The following ARHGAP10 variants were observed in gnomAD, a reference collection of about 807,000 sequenced individuals.
The protein encoded by ARHGAP10 is rho GTPase-activating protein 10.
ARHGAP10 carries 87 observed loss-of-function variants against 108.6 expected under a neutral mutation model. That is an observed-to-expected ratio of 0.80 (90% CI 0.67 to 0.96). The LOEUF is 0.96. Ranked by LOEUF, ARHGAP10 falls within the 40% of genes least tolerant of loss-of-function variation. The pLI is 0.00. For synonymous variants in ARHGAP10, 347 were observed against 341.1 expected (o/e 1.02, Z -0.19); for missense variants, 939 against 954.5 (o/e 0.98, Z 0.21).
chr4:148,012,830 A>G (rs899079211), intron 18 of ARHGAP10, among the ~76,000 whole-genome samples: 3 of 152,092 alleles, frequency 2.0e-5, no homozygotes, highest in Non-Finnish European at 2.9e-5. Flanking sequence ...CCTTATGATG[A>G]CAAAATGTTT....
At chr4:147,870,081 C>T (rs1339506222) in intron 7 of ARHGAP10, among the ~76,000 whole-genome samples, 1 of 151,584 alleles carries the variant, frequency 6.6e-6, no homozygotes, top group African/African-American at 2.4e-5. Flanking sequence ...GAGTCTCGCC[C>T]TGTCACCCAG....
intron 18 of ARHGAP10, among the ~76,000 whole-genome samples, chr4:148,021,632 G>A (rs1320051107): frequency 2.6e-5 from 4 of 151,988 alleles, no homozygotes; most frequent in East Asian, 1.9e-4. Context: ...CACTGTTATC[G>A]GACTTCTCAA....
At chr4:147,987,452 T>C (rs1740088088) in intron 18 of ARHGAP10, among the ~76,000 whole-genome samples, 1 of 152,230 alleles carries the variant, frequency 6.6e-6, no homozygotes, top group South Asian at 2.1e-4. Flanking sequence ...CTCCTCAGTC[T>C]GTAGTGCCCT....
intron 18 of ARHGAP10, among the ~76,000 whole-genome samples, chr4:147,984,842 A>G (rs1739968654): frequency 6.6e-6 from 1 of 152,206 alleles, no homozygotes; most frequent in Admixed American, 6.5e-5. Context: ...CCTCAGGGCC[A>G]ATCTGTGGAG....
rs368266632 is a variant in ARHGAP10 at position 147,903,014 on chromosome 4, C to T, written c.1035-3624C>T. Among the ~76,000 whole-genome samples the T allele has an allele frequency of 2.8e-4, 43 of 152,190 alleles. No individual in the cohort carries two copies. The South Asian group carries it at 7.9e-3, about 28-fold the overall frequency. ...CAAAAGCAAGAAGGGGGAAGTCTAC[C>T]CCTATGATCAAGTCACCTCCCACCA... On this transcript the variant is annotated intron_variant, in intron 10 of 22. Coordinates refer to ENST00000336498, the MANE Select transcript of ARHGAP10 (RefSeq NM_024605.4).
chr4:147,865,151 T>TATCAG, intron 6 of ARHGAP10, 195 bp downstream of exon 6: 1 of 531,644 alleles, frequency 1.9e-6, no homozygotes, highest in Non-Finnish European at 3.3e-6. Flanking sequence ...TCAGCTGTAT[T>TATCAG]TGCACTGATA....
At chr4:147,784,701 AAT>A (rs1730759958) in intron 1 of ARHGAP10, among the ~76,000 whole-genome samples, 1 of 91,030 alleles carries the variant, frequency 1.1e-5, no homozygotes, top group South Asian at 3.8e-4. Context: ...TATATTATAA[AAT>A]ATATATTATA....
At position 147,870,788 on chromosome 4, in the gene ARHGAP10, A is replaced by T. The variant is rs373898600; in HGVS notation, c.702+3972A>T. On this transcript the variant is annotated intron_variant, in intron 7 of 22. Coordinates refer to ENST00000336498, the MANE Select transcript of ARHGAP10 (RefSeq NM_024605.4). ...GAGACTAGAATAGAATTCTTCCTGG[A>T]AGGAAATACAGTGTGCAAAATTTTA... Among the ~76,000 whole-genome samples the T allele has an allele frequency of 2.7e-4, 41 of 152,322 alleles. No homozygotes were observed. In the South Asian group the frequency reaches 7.9e-3, roughly 29 times the overall value.
At chr4:147,973,327 C>A (rs936565311) in intron 18 of ARHGAP10, among the ~76,000 whole-genome samples, 5 of 152,122 alleles carry the variant, frequency 3.3e-5, no homozygotes, top group Admixed American at 2.0e-4. Context: ...TTTAGAGGAA[C>A]TTAAACAGGG....
chr4:147,931,315 A>G (rs1295588243), intron 13 of ARHGAP10, among the ~76,000 whole-genome samples: 1 of 814 alleles, frequency 1.2e-3, no homozygotes, highest in Non-Finnish European at 4.5e-3. Flanking sequence ...TTAAGAGAGA[A>G]AAAAAAAAAA....
intron 22 of ARHGAP10, among the ~76,000 whole-genome samples, chr4:148,071,125 ACTACCTGGTGAAGAG>A (rs1156981262): frequency 6.6e-6 from 1 of 152,232 alleles, no homozygotes; most frequent in African/African-American, 2.4e-5. Context: ...AACAGGAGGA[ACTACCTGGTGAAGAG>A]GTGGGGGAAA....
chr4:147,900,193 T>G (rs1736182423), intron 10 of ARHGAP10, among the ~76,000 whole-genome samples: 1 of 152,192 alleles, frequency 6.6e-6, no homozygotes, highest in African/African-American at 2.4e-5. Flanking sequence ...ATACAGATAA[T>G]AGGCAGTTTC....
At chr4:147,872,099 CAAAAA>C (rs36205660) in intron 7 of ARHGAP10, among the ~76,000 whole-genome samples, 8 of 70,022 alleles carry the variant, frequency 1.1e-4, no homozygotes, top group Non-Finnish European at 1.8e-4. Context: ...GAGACTCGGT[CAAAAA>C]AAAAAAAAAA....
intron 1 of ARHGAP10, among the ~76,000 whole-genome samples, chr4:147,808,212 G>T (rs754596993): frequency 1.3e-5 from 2 of 152,144 alleles, no homozygotes; most frequent in Non-Finnish European, 2.9e-5. Context: ...CTGAGAGCTG[G>T]CAGGGGGTTT....
intron 18 of ARHGAP10, among the ~76,000 whole-genome samples, chr4:147,986,584 C>T (rs989101370): frequency 2.6e-5 from 4 of 152,250 alleles, no homozygotes; most frequent in South Asian, 2.1e-4. Context: ...TCCAGGGTGA[C>T]GTACACCCCA....
chr4:147,926,625 A>G (rs755696397), intron 13 of ARHGAP10, among the ~76,000 whole-genome samples: 1 of 152,186 alleles, frequency 6.6e-6, no homozygotes, highest in Admixed American at 6.5e-5. Flanking sequence ...TAAAGAGGTA[A>G]GGTTTTGAGT....
At chr4:147,733,216 A>G (rs183495799) in intron 1 of ARHGAP10, among the ~76,000 whole-genome samples, 9 of 152,306 alleles carry the variant, frequency 5.9e-5, no homozygotes, top group Non-Finnish European at 1.0e-4. Context: ...TCGGAAGAAG[A>G]CACGAGATAC....
intron 3 of ARHGAP10, among the ~76,000 whole-genome samples, chr4:147,838,450 G>A (rs985869138): frequency 7.5e-6 from 1 of 132,678 alleles, no homozygotes; most frequent in Admixed American, 8.4e-5. Flanking sequence ...AAGCCTGGGT[G>A]ACAGAGTGAG....
rs755737892 is a variant in ARHGAP10 at position 147,955,330 on chromosome 4, C to T, written c.1406C>T (p.Pro469Leu). ...TTTTCACACAGGAGTCTTCCAGAGC[C>T]TCTCATGACCTATGAGTTACATGGA... ...LKQYLRSLPE[P>L]LMTYELHGDF... Residue 469 changes from proline (P) to leucine (L), a missense_variant, in exon 16 of 23, where the codon CCT (proline) becomes CTT (leucine). Coordinates refer to ENST00000336498, the MANE Select transcript of ARHGAP10 (RefSeq NM_024605.4). The T allele has an allele frequency of 1.9e-6, 3 of 1,611,572 alleles. No individual in the cohort carries two copies. The highest frequency in any genetic ancestry group is 2.5e-6 in the Non-Finnish European group (3 of 1,178,184).
Sources: gnomAD v4.1 joint callset for allele counts (sites outside exome capture counted in the v4.1 genomes callset) on GRCh38, gnomAD v4.1.1 for gene constraint, MANE v1.5 for transcripts, NCBI Gene and HGNC (gene_info 2026-07-23, HGNC 2026-07-21) for gene names.